Variants in DGAT2 observed in about 807,000 individuals in gnomAD.
DGAT2 encodes the protein diacylglycerol O-acyltransferase 2.
DGAT2 carries 33 observed loss-of-function variants against 48.4 expected under a neutral mutation model. That is an observed-to-expected ratio of 0.68 (90% CI 0.52 to 0.91). The LOEUF is 0.91. Ranked by LOEUF, DGAT2 falls within the 40% of genes least tolerant of loss-of-function variation. DGAT2 has a pLI of 0.00. For missense variants in DGAT2, 446 were observed against 493.7 expected (o/e 0.90, Z 0.92); for synonymous variants, 191 against 194.1 (o/e 0.98, Z 0.13).
Position 75,798,329 on chromosome 11 carries a change from G to T in DGAT2, c.912G>T (p.Gln304His), listed in dbSNP as rs1401354279. ...GCCGATGGGTCCAGAAGAAGTTCCA[G>T]AAATACATTGGTTTCGCCCCATGCA... ...SWGRWVQKKF[Q>H]KYIGFAPCIF... The change falls in exon 7 of 8, where the codon CAG becomes CAT. Residue 304 changes from glutamine to histidine, a missense_variant. By Grantham distance (24) the Gln-to-His change is conservative. Transcript: ENST00000228027. The T allele has an allele frequency of 2.5e-6, 4 of 1,614,092 alleles. No individual in the cohort carries two copies. Among genetic ancestry groups the T allele is most frequent in the Non-Finnish European group, 2.5e-6 (3 of 1,180,044 alleles).
At position 75,790,742 on chromosome 11, in the gene DGAT2, G is replaced by A. The variant is rs1181020042; in HGVS notation, c.429+11G>A. 5 of 1,614,118 alleles carry A rather than the reference G, an allele frequency of 3.1e-6. No homozygotes were observed. The highest frequency in any genetic ancestry group is 1.7e-5 in the Admixed American group (1 of 60,024). On this transcript the variant is annotated intron_variant, in intron 4 of 7. Transcript: ENST00000228027. ...TACTTTCCCATCCAGGTAAAGTGCT[G>A]TGAGTGTTGTTTTGGGAGGGTGGGA...
In DGAT2 at chr11:75,784,647, C is replaced by T. The variant is rs759855292; in HGVS notation, c.151C>T (p.Gln51Ter). ...TGGATCCAGCATCCTCTCCGCCCTC[C>T]AGGACCTCTTCTCTGTCACCTGGCT... ...GTGSSILSAL[Q>*]DLFSVTWLNR... The change falls in exon 2 of 8, where the codon CAG (glutamine) becomes TAG (stop). Residue 51 changes from glutamine (Q) to a stop codon, truncating the protein, a stop_gained. Coordinates refer to ENST00000228027, the MANE Select transcript of DGAT2 (RefSeq NM_032564.5). LOFTEE classifies it high-confidence loss of function. 2 of 1,614,148 alleles carry T rather than the reference C, an allele frequency of 1.2e-6. No homozygotes were observed. The highest frequency in any genetic ancestry group is 2.2e-5 in the South Asian group (2 of 91,090).
At chr11:75,797,534 C>T (rs988924046) in intron 6 of DGAT2, among the ~76,000 whole-genome samples, 1 of 152,218 alleles carries the variant, frequency 6.6e-6, no homozygotes, top group Admixed American at 6.5e-5. Context: ...GGCACAGATG[C>T]AACCTGTGGC....
At chr11:75,798,466 A>C in intron 7 of DGAT2, 37 bp downstream of exon 7, 1 of 1,604,540 alleles carries the variant, frequency 6.2e-7, no homozygotes, top group East Asian at 2.2e-5. Context: ...GCTGTCCTGA[A>C]CACAGGGTGC....
intron 1 of DGAT2, among the ~76,000 whole-genome samples, chr11:75,771,878 C>A (rs1944761467): frequency 6.6e-6 from 1 of 152,154 alleles, no homozygotes; most frequent in African/African-American, 2.4e-5. Flanking sequence ...CCTGCCCCAC[C>A]TCCACCCTCC....
rs533093864 is a variant in DGAT2 at position 75,784,823 on chromosome 11, C to A, written c.250+77C>A. On this transcript the variant is annotated intron_variant, in intron 2 of 7. Coordinates refer to ENST00000228027, the MANE Select transcript of DGAT2 (RefSeq NM_032564.5). Reference sequence around the variant, plus strand: ...CAAAAGAGGTAGAGCAGGAGCCCTGCTCTACAGGGGTGAGGGAATAAGAGT... The same window carrying A: ...CAAAAGAGGTAGAGCAGGAGCCCTGATCTACAGGGGTGAGGGAATAAGAGT... 60 of 1,596,222 alleles carry A rather than the reference C, an allele frequency of 3.8e-5. No individual in the cohort carries two copies. The African/African-American group carries it at 7.2e-4, about 19-fold the overall frequency.
In DGAT2 at chr11:75,768,856, C is replaced by G. The variant is rs1429317049; in HGVS notation, c.-136C>G. ...GGCCGCCGGCCGCAGCTCCAGGTGT[C>G]CTAGCCGCCCAGCCTCGACGCCGTC... is the stretch of plus-strand genomic sequence containing the variant. On this transcript the variant is annotated 5_prime_UTR_variant, in exon 1 of 8. Transcript: ENST00000228027. 1 of 1,184,844 alleles carries G rather than the reference C, an allele frequency of 8.4e-7. No homozygotes were observed. The highest frequency in any genetic ancestry group is 1.1e-6 in the Non-Finnish European group (1 of 919,028). The allele number at this position is 1,184,844 out of a possible 1,614,324, so 73.4% of individuals were successfully genotyped here. A position where few individuals can be genotyped will look rare whatever the true frequency, so the allele number is the denominator to read the frequency against.
chr11:75,790,737 G>A lies in DGAT2; in HGVS notation c.429+6G>A. On this transcript the variant is annotated splice_donor_region_variant and intron_variant, in intron 4 of 7. Coordinates refer to ENST00000228027, the MANE Select transcript of DGAT2 (RefSeq NM_032564.5). The stretch of plus-strand genomic sequence containing the variant: ...GAGACTACTTTCCCATCCAGGTAAA[G>A]TGCTGTGAGTGTTGTTTTGGGAGGG... 6.2e-7 allele frequency: 1 copy of A among 1,614,194 alleles called. No homozygotes were observed. The highest frequency in any genetic ancestry group is 8.5e-7 in the Non-Finnish European group (1 of 1,180,012).
chr11:75,797,470 G>A (rs1226431550), intron 6 of DGAT2, 138 bp downstream of exon 6: 2 of 1,101,410 alleles, frequency 1.8e-6, no homozygotes, highest in African/African-American at 1.6e-5. Context: ...GGGAGGGGAT[G>A]TTGGAGCCCA....
chr11:75,774,018 C>T (rs565001479), intron 1 of DGAT2: 35 of 152,384 alleles, frequency 2.3e-4, no homozygotes, highest in African/African-American at 8.4e-4. Flanking sequence ...CCAACTGAGG[C>T]TGAGGTCTTG....
At chr11:75,796,755 T>C in intron 5 of DGAT2, 1 of 570,010 alleles carries the variant, frequency 1.8e-6, no homozygotes, top group East Asian at 3.0e-5. Context: ...GAGGCCTTCT[T>C]TGACCCCCTT....
chr11:75,783,332 C>T (rs1233223132), intron 1 of DGAT2, among the ~76,000 whole-genome samples: 1 of 152,240 alleles, frequency 6.6e-6, no homozygotes, highest in African/African-American at 2.4e-5. Flanking sequence ...GCATTTCCTT[C>T]CTTCCTCCTA....
rs934879610 is a variant in DGAT2 at position 75,784,526 on chromosome 11, A to C, written c.122-92A>C. On this transcript the variant is annotated intron_variant, in intron 1 of 7. Transcript: ENST00000228027. ...TATAGCTGATGCTCTTCTCATATCT[A>C]GAAGGGTACCTGTGGGAGGTGAGGT... 3.9e-6 allele frequency: 6 copies of C among 1,537,516 alleles called. No individual in the cohort carries two copies. In the African/African-American group the frequency reaches 6.8e-5, roughly 18 times the overall value.
chr11:75,779,805 A>G (rs536319906), intron 1 of DGAT2, among the ~76,000 whole-genome samples: 1 of 152,304 alleles, frequency 6.6e-6, no homozygotes, highest in Admixed American at 6.5e-5. Flanking sequence ...GTACCTAGGG[A>G]GGGCAAAAGA....
chr11:75,797,721 T>C (rs1945072074), intron 6 of DGAT2, among the ~76,000 whole-genome samples: 1 of 152,024 alleles, frequency 6.6e-6, no homozygotes, highest in Non-Finnish European at 1.5e-5. Flanking sequence ...CCTCAGGCTT[T>C]GGAAGAAGAG....
At position 75,800,383 on chromosome 11, in the gene DGAT2, G is replaced by A. The variant is rs772958795; in HGVS notation, c.1042G>A (p.Glu348Lys). ...AGAGCCCATCACCATCCCCAAGCTG[G>A]AGCACCCAACCCAGCAAGACATCGA... ...VGEPITIPKLEHPTQQDIDLY... is the reference protein window; with the variant it reads ...VGEPITIPKLKHPTQQDIDLY... Residue 348 changes from glutamate to lysine, a missense_variant, in exon 8 of 8, where the codon GAG (glutamate) becomes AAG (lysine). Physicochemically the swap from Glu to Lys is moderately conservative, Grantham distance 56. Coordinates refer to ENST00000228027, the MANE Select transcript of DGAT2 (RefSeq NM_032564.5). 6.2e-7 allele frequency: 1 copy of A among 1,614,094 alleles called. No individual in the cohort carries two copies. The highest frequency in any genetic ancestry group is 1.7e-5 in the Admixed American group (1 of 60,016).
intron 1 of DGAT2, among the ~76,000 whole-genome samples, chr11:75,777,758 A>C (rs1202869149): frequency 6.6e-6 from 1 of 152,152 alleles, no homozygotes; most frequent in Non-Finnish European, 1.5e-5. Context: ...GAGAGGCGTG[A>C]GCTGCCCACA....
At chr11:75,783,846 C>T (rs531543042) in intron 1 of DGAT2, among the ~76,000 whole-genome samples, 27 of 152,308 alleles carry the variant, frequency 1.8e-4, no homozygotes, top group Non-Finnish European at 2.9e-4. Context: ...GGGCACATCT[C>T]GTCCTAACTT....
intron 7 of DGAT2, 125 bp downstream of exon 7, chr11:75,798,554 G>C (rs1293353071): frequency 9.1e-7 from 1 of 1,097,786 alleles, no homozygotes; most frequent in Admixed American, 2.3e-5. Flanking sequence ...TAGCCATGAG[G>C]ACTTTGAAGT....
Sources: allele counts gnomAD v4.1 joint callset (sites outside exome capture counted in the v4.1 genomes callset), GRCh38; gene constraint gnomAD v4.1.1; transcripts MANE v1.5; gene names NCBI Gene and HGNC (gene_info 2026-07-23, HGNC 2026-07-21).